Variants in PDE1A observed in about 807,000 individuals in gnomAD.
PDE1A encodes dual specificity calcium/calmodulin-dependent 3',5'-cyclic nucleotide phosphodiesterase 1A.
In PDE1A, 35 loss-of-function variants were observed where a neutral mutation model predicts 61.7. That is an observed-to-expected ratio of 0.57 (90% CI 0.43 to 0.75). The LOEUF is 0.75. Among genes scored for constraint, PDE1A ranks in the 30% least tolerant of loss-of-function variants. The pLI is 0.00. For synonymous variants in PDE1A, 232 were observed against 213.2 expected (o/e 1.09, Z -0.77); for missense variants, 597 against 630.6 (o/e 0.95, Z 0.57).
the PDE1A span, among the ~76,000 whole-genome samples, chr2:182,568,419 C>G: frequency 6.6e-6 from 1 of 152,190 alleles, no homozygotes; most frequent in Admixed American, 6.5e-5. Flanking sequence ...TGGCTCACGC[C>G]TGTAATCCCA....
At chr2:182,625,137 A>C in the PDE1A span, among the ~76,000 whole-genome samples, 1 of 152,208 alleles carries the variant, frequency 6.6e-6, no homozygotes, top group African/African-American at 2.4e-5. Flanking sequence ...AGATACTGCA[A>C]GAAGGTGGCT....
At chr2:182,557,257 A>C in the PDE1A span, among the ~76,000 whole-genome samples, 1 of 152,214 alleles carries the variant, frequency 6.6e-6, no homozygotes, top group African/African-American at 2.4e-5. Flanking sequence ...AACAAACAAA[A>C]AAAGAATACA....
chr2:182,440,335 T>C (rs559434917), intron 2 of PDE1A, among the ~76,000 whole-genome samples: 1 of 152,172 alleles, frequency 6.6e-6, no homozygotes, highest in East Asian at 1.9e-4. Context: ...TGCTAATATA[T>C]TAGGAGATGA....
the PDE1A span, among the ~76,000 whole-genome samples, chr2:182,660,240 CA>C: frequency 6.6e-6 from 1 of 152,070 alleles, no homozygotes; most frequent in African/African-American, 2.4e-5. Flanking sequence ...AAGGTATATG[CA>C]AATATTTAGA....
exon 8 of PDE1A, chr2:182,205,998 G>C (rs1338852645): frequency 1.2e-6 from 2 of 1,610,954 alleles, no homozygotes; most frequent in Non-Finnish European, 1.7e-6. Flanking sequence ...TGCATAAGTC[G>C]ATAAGCTGCA....
intron 2 of PDE1A, among the ~76,000 whole-genome samples, chr2:182,261,686 G>T (rs1692229216): frequency 6.6e-6 from 1 of 152,104 alleles, no homozygotes; most frequent in Non-Finnish European, 1.5e-5. Context: ...ACATTTAAAT[G>T]AGTTAGGGAT....
intron 3 of PDE1A, among the ~76,000 whole-genome samples, chr2:182,236,303 A>G (rs1026022409): frequency 3.3e-5 from 3 of 91,082 alleles, no homozygotes; most frequent in Non-Finnish European, 7.1e-5. Context: ...TAATCATACT[A>G]TACAAGATCT....
chr2:182,166,617 A>G (rs2125309306), downstream of PDE1A, among the ~76,000 whole-genome samples: 1 of 152,224 alleles, frequency 6.6e-6, no homozygotes, highest in Non-Finnish European at 1.5e-5. Context: ...CAGCTTGCAG[A>G]TGGCCCATCA....
At chr2:182,613,068 C>G in the PDE1A span, among the ~76,000 whole-genome samples, 7 of 152,048 alleles carry the variant, frequency 4.6e-5, no homozygotes, top group South Asian at 2.1e-4. Flanking sequence ...ATTTAAAATT[C>G]GTAGCAAATT....
chr2:182,205,090 A>T (rs149494204), intron 8 of PDE1A, among the ~76,000 whole-genome samples: 200 of 152,262 alleles, frequency 1.3e-3, no homozygotes, highest in East Asian at 8.1e-3. Context: ...GAAAGCAAAA[A>T]CCTTTGATAT....
At chr2:182,415,689 A>G (rs768579261) in intron 1 of PDE1A, among the ~76,000 whole-genome samples, 4 of 152,148 alleles carry the variant, frequency 2.6e-5, no homozygotes, top group Admixed American at 6.6e-5. Context: ...TAGTAAGTGT[A>G]TCATATGTGA....
intron 1 of PDE1A, among the ~76,000 whole-genome samples, chr2:182,377,636 A>G (rs1481604759): frequency 1.3e-5 from 2 of 152,190 alleles, no homozygotes; most frequent in Non-Finnish European, 2.9e-5. Flanking sequence ...GTTTTTCATA[A>G]AGCTAATTAC....
At chr2:182,323,987 G>T (rs150842699) in intron 1 of PDE1A, among the ~76,000 whole-genome samples, 4 of 152,038 alleles carry the variant, frequency 2.6e-5, no homozygotes, top group African/African-American at 9.7e-5. Flanking sequence ...TCAGAGACTC[G>T]CTACACCAGT....
chr2:182,504,028 G>A (rs907517696), intron 2 of PDE1A, among the ~76,000 whole-genome samples: 5 of 152,120 alleles, frequency 3.3e-5, no homozygotes, highest in African/African-American at 1.2e-4. Flanking sequence ...GTATAGTCTG[G>A]ATGAATTTGG....
chr2:182,479,423 C>T (rs762677903), intron 2 of PDE1A, among the ~76,000 whole-genome samples: 2 of 151,620 alleles, frequency 1.3e-5, no homozygotes, highest in African/African-American at 4.8e-5. Context: ...CTAATTTAAC[C>T]CCTAATTAAC....
chr2:182,711,656 C>A, the PDE1A span, among the ~76,000 whole-genome samples: 1 of 152,042 alleles, frequency 6.6e-6, no homozygotes, highest in African/African-American at 2.4e-5. Flanking sequence ...AATGGCTGAG[C>A]CAGGAAAAGT....
At chr2:182,158,932 T>C (rs563120997) in intron 13 of PDE1A, among the ~76,000 whole-genome samples, 7 of 152,360 alleles carry the variant, frequency 4.6e-5, no homozygotes, top group African/African-American at 1.4e-4. Context: ...ACTTTAGTTA[T>C]ACATTTTTTG....
intron 2 of PDE1A, among the ~76,000 whole-genome samples, chr2:182,444,384 C>T (rs1684997377): frequency 6.6e-6 from 1 of 152,082 alleles, no homozygotes; most frequent in African/African-American, 2.4e-5. Flanking sequence ...TCATCAGTAG[C>T]ATGATTACAA....
At chr2:182,344,644 A>G (rs1698402000) in intron 1 of PDE1A, among the ~76,000 whole-genome samples, 1 of 152,170 alleles carries the variant, frequency 6.6e-6, no homozygotes, top group Non-Finnish European at 1.5e-5. Flanking sequence ...CAAGATGGAA[A>G]ACTGCTTGCA....
Sources: allele counts gnomAD v4.1 joint callset (sites outside exome capture counted in the v4.1 genomes callset), GRCh38; gene constraint gnomAD v4.1.1; transcripts MANE v1.5; gene names NCBI Gene and HGNC (gene_info 2026-07-23, HGNC 2026-07-21).